Variants in TNRC18 observed in about 807,000 individuals in gnomAD.
The protein encoded by TNRC18 is trinucleotide repeat-containing gene 18 protein.
In TNRC18, 69 loss-of-function variants were observed where a neutral mutation model predicts 226.7. The observed-to-expected ratio is 0.30, with a 90% CI of 0.25 to 0.37. TNRC18 has a LOEUF of 0.37. Among genes scored for constraint, TNRC18 ranks in the 10% least tolerant of loss-of-function variants. The pLI, the probability that TNRC18 is intolerant of heterozygous loss-of-function variation, is 1.00. For missense variants in TNRC18, 4,754 were observed against 4,256.6 expected, an observed-to-expected ratio of 1.12 and a Z score of -3.25; for synonymous variants, 2,449 against 1,927.6, an observed-to-expected ratio of 1.27 and a Z score of -7.09.
At position 5,371,005 on chromosome 7, in the gene TNRC18, CACA is replaced by C; in HGVS notation, c.3586_3588del (p.Cys1196del). ...GCCTGGGCCTCCAACAGGCCACCTC[CACA>C]ACCCCCTGCAGGGCTGGGGGTAGCC... On this transcript the variant is annotated inframe_deletion, in exon 11 of 30. Coordinates refer to ENST00000430969, the MANE Select transcript of TNRC18 (RefSeq NM_001080495.3). 1 of 1,607,820 alleles carries C rather than the reference CACA, an allele frequency of 6.2e-7. No individual in the cohort carries two copies.
intron 24 of TNRC18, among the ~76,000 whole-genome samples, chr7:5,317,030 G>T (rs1787916750): frequency 6.6e-6 from 1 of 152,110 alleles, no homozygotes; most frequent in African/African-American, 2.4e-5. Context: ...CCCCCAAAGG[G>T]TGATAGCCCA....
chr7:5,409,405 T>C lies in TNRC18; in HGVS notation c.187+11655A>G, dbSNP rs368344026. 7.9e-5 allele frequency among the ~76,000 whole-genome samples: 12 copies of C among 151,186 alleles called. No individual in the cohort carries two copies. In the East Asian group the frequency reaches 1.5e-3, roughly 19 times the overall value. On this transcript the variant is annotated intron_variant, in intron 2 of 29. Transcript: ENST00000430969. ...TAAGAGCTCTTGGGACATAAAAATA[T>C]GATAGCTCAAATTTAAAAATTAAAT... is the stretch of plus-strand genomic sequence containing the variant.
chr7:5,400,983 A>G (rs1781045518), intron 2 of TNRC18, among the ~76,000 whole-genome samples: 1 of 152,176 alleles, frequency 6.6e-6, no homozygotes, highest in Non-Finnish European at 1.5e-5. Flanking sequence ...CTGAGGCTGC[A>G]GTGAGCTGAG....
At chr7:5,314,319 G>A (rs933249042) in intron 26 of TNRC18, among the ~76,000 whole-genome samples, 1 of 152,112 alleles carries the variant, frequency 6.6e-6, no homozygotes, top group Non-Finnish European at 1.5e-5. Context: ...GCAGAACCTG[G>A]CTGCAGCCTT....
chr7:5,324,259 C>T lies in TNRC18; in HGVS notation c.6397G>A (p.Glu2133Lys), dbSNP rs745971574. 6 of 1,612,358 alleles carry T rather than the reference C, an allele frequency of 3.7e-6. No homozygotes were observed. The highest frequency in any genetic ancestry group is 5.1e-6 in the Non-Finnish European group (6 of 1,179,556). The stretch of plus-strand genomic sequence containing the variant: ...ACAGCCCCGCCACGCGGCAGGTGCT[C>T]GTCCTCAGAGAAGCTCGAGTCTTGG... ...PNQDSSFSED[E>K]HLPRGGAVER... is the part of the protein sequence containing the mutation. Residue 2133 changes from glutamate to lysine, a missense_variant, in exon 21 of 30, where the codon GAG becomes AAG. Coordinates refer to ENST00000430969, the MANE Select transcript of TNRC18 (RefSeq NM_001080495.3). The surrounding 1 kb of genome is among the most constrained non-coding windows in gnomAD (Gnocchi z 4.8).
At chr7:5,322,868 C>T (rs762838967) in intron 21 of TNRC18, among the ~76,000 whole-genome samples, 1 of 152,216 alleles carries the variant, frequency 6.6e-6, no homozygotes, top group African/African-American at 2.4e-5. Flanking sequence ...CTGGCAGAGT[C>T]GACTTCCCAC....
rs1443482832 is a variant in TNRC18 at position 5,313,786 on chromosome 7, T to C, written c.7105A>G (p.Thr2369Ala). ...STPLALEPSS[T>A]PGSKKSPPEP... ...GGGGGGCTCTTCTTGGAACCTGGGG[T>C]GCTGCTCGGCTCCAGGGCTAAGGGG... Residue 2369 changes from threonine to alanine, a missense_variant, in exon 27 of 30, where the codon ACC becomes GCC. Coordinates refer to ENST00000430969, the MANE Select transcript of TNRC18 (RefSeq NM_001080495.3). 16 of 1,537,764 alleles carry C rather than the reference T, an allele frequency of 1.0e-5. No homozygotes were observed. In the South Asian group the frequency reaches 1.9e-4, roughly 18 times the overall value.
At chr7:5,382,270 C>T (rs1056617805) in intron 5 of TNRC18, among the ~76,000 whole-genome samples, 2 of 152,198 alleles carry the variant, frequency 1.3e-5, no homozygotes, top group Admixed American at 6.5e-5. Context: ...ACAGGGAGTG[C>T]CACAGGGCCC....
At chr7:5,358,086 T>C (rs994020647) in intron 15 of TNRC18, among the ~76,000 whole-genome samples, 12 of 152,144 alleles carry the variant, frequency 7.9e-5, no homozygotes, top group Admixed American at 3.9e-4. Context: ...GCAGCTGATA[T>C]GCCTATCTCA....
chr7:5,345,517 G>GGGGGGGCCACCCCCCCCCCCCCCCCC, intron 18 of TNRC18, 45 bp downstream of exon 18: 1 of 377,744 alleles, frequency 2.6e-6, no homozygotes, highest in Non-Finnish European at 4.8e-6. Context: ...AATGGCGTCC[G>GGGGGGGCCACCCCCCCCCCCCCCCCC]CCCCTCCCAC....
rs557836907 is a variant in TNRC18, at chr7:5,321,775, G to T, written c.6443-585C>A. ...CAACCTCTGCCTCCCAGGTTCAAGC[G>T]ATTCTCCTGCCTCAGCCTCCCAAGC... On this transcript the variant is annotated intron_variant, in intron 21 of 29. Coordinates refer to ENST00000430969, the MANE Select transcript of TNRC18 (RefSeq NM_001080495.3). 6.6e-5 allele frequency among the ~76,000 whole-genome samples: 10 copies of T among 151,730 alleles called. No homozygotes were observed. In the South Asian group the frequency reaches 2.1e-3, roughly 32 times the overall value.
chr7:5,310,085 A>T (rs1194490402), intron 27 of TNRC18, among the ~76,000 whole-genome samples: 1 of 152,108 alleles, frequency 6.6e-6, no homozygotes, highest in African/African-American at 2.4e-5. Flanking sequence ...TTATTTTTGT[A>T]GAGATGGGGG....
chr7:5,308,967 G>A lies in TNRC18; in HGVS notation c.8626-18C>T. 6.3e-7 allele frequency: 1 copy of A among 1,594,388 alleles called. No homozygotes were observed. The highest frequency in any genetic ancestry group is 1.3e-5 in the African/African-American group (1 of 74,674). On this transcript the variant is annotated intron_variant, in intron 28 of 29. Coordinates refer to ENST00000430969, the MANE Select transcript of TNRC18 (RefSeq NM_001080495.3). ...TCCCAGTGCTGTGTGGGGGAGAGAG[G>A]AGGGGCTTGGGTGAGCCCGGGGGCT...
At chr7:5,357,644 G>A (rs1163121820) in intron 15 of TNRC18, among the ~76,000 whole-genome samples, 1 of 152,072 alleles carries the variant, frequency 6.6e-6, no homozygotes, top group Non-Finnish European at 1.5e-5. Context: ...CACCACTCCT[G>A]GCTAATTTTT....
intron 18 of TNRC18, 45 bp downstream of exon 18, chr7:5,345,517 G>GACCACCC: frequency 2.6e-6 from 1 of 377,744 alleles, no homozygotes; most frequent in Non-Finnish European, 4.8e-6. Context: ...AATGGCGTCC[G>GACCACCC]CCCCTCCCAC....
intron 19 of TNRC18, among the ~76,000 whole-genome samples, chr7:5,330,204 T>C (rs1370114841): frequency 6.6e-6 from 1 of 152,094 alleles, no homozygotes; most frequent in Non-Finnish European, 1.5e-5. Context: ...AGTGCTAGGA[T>C]TACAGGAATG....
intron 19 of TNRC18, among the ~76,000 whole-genome samples, chr7:5,330,614 T>G (rs1256419820): frequency 6.6e-6 from 1 of 151,928 alleles, no homozygotes; most frequent in Non-Finnish European, 1.5e-5. Flanking sequence ...TCCTGCATGG[T>G]AAGTGTGTGA....
chr7:5,339,067 G>C (rs974011030), intron 18 of TNRC18, among the ~76,000 whole-genome samples: 5 of 151,942 alleles, frequency 3.3e-5, no homozygotes, highest in African/African-American at 1.2e-4. Flanking sequence ...GGAGGCCAAT[G>C]AGCGCAGATC....
chr7:5,408,523 A>T (rs1781631639), intron 2 of TNRC18, among the ~76,000 whole-genome samples: 1 of 151,652 alleles, frequency 6.6e-6, no homozygotes, highest in Non-Finnish European at 1.5e-5. Context: ...CAGCGCGTGC[A>T]GCTACTCGGG....
Sources: allele counts gnomAD v4.1 joint callset (sites outside exome capture counted in the v4.1 genomes callset), GRCh38; gene constraint gnomAD v4.1.1; non-coding constraint Gnocchi (gnomAD v3.1); transcripts MANE v1.5; gene names NCBI Gene and HGNC (gene_info 2026-07-23, HGNC 2026-07-21).